Variants in NRXN3 observed in about 807,000 individuals in gnomAD.
NRXN3 encodes neurexin III.
Under a neutral mutation model 137.6 loss-of-function variants are expected in NRXN3, and 32 were observed. The ratio of observed to expected loss-of-function variants is 0.23; its 90% CI spans 0.18 to 0.31. The LOEUF is 0.31. Ranked by LOEUF, NRXN3 falls within the 10% of genes least tolerant of loss-of-function variation. The pLI is 1.00. For missense variants in NRXN3, 1,574 were observed against 2,062.5 expected (o/e 0.76, Z 4.59); for synonymous variants, 798 against 784.5 (o/e 1.02, Z -0.29).
intron 15 of NRXN3, among the ~76,000 whole-genome samples, chr14:79,368,884 T>G (rs1161300343): frequency 1.3e-5 from 2 of 152,196 alleles, no homozygotes; most frequent in Non-Finnish European, 2.9e-5. Flanking sequence ...GGATTCCATT[T>G]CCAAGAATGA....
intron 8 of NRXN3, among the ~76,000 whole-genome samples, chr14:78,757,571 G>C (rs913706614): frequency 1.3e-5 from 2 of 152,164 alleles, no homozygotes; most frequent in Non-Finnish European, 2.9e-5. Context: ...GAAAGGCATG[G>C]TGTATCTGTC....
intron 4 of NRXN3, among the ~76,000 whole-genome samples, chr14:78,323,900 C>T (rs560873269): frequency 1.1e-4 from 16 of 152,116 alleles, no homozygotes; most frequent in African/African-American, 3.9e-4. Flanking sequence ...TACTTACCAG[C>T]CATGAGCAGT....
intron 10 of NRXN3, among the ~76,000 whole-genome samples, chr14:78,881,708 T>G (rs2099129586): frequency 6.6e-6 from 1 of 151,676 alleles, no homozygotes; most frequent in African/African-American, 2.4e-5. Context: ...TTGGAAATTG[T>G]TTAAATGAGA....
intron 4 of NRXN3, among the ~76,000 whole-genome samples, chr14:78,613,106 A>G (rs1369570009): frequency 6.6e-6 from 1 of 151,590 alleles, no homozygotes; most frequent in Non-Finnish European, 1.5e-5. Context: ...CTGCCTTGCC[A>G]ATCAGCCTCC....
chr14:79,067,000 T>A (rs1035669981), intron 15 of NRXN3, among the ~76,000 whole-genome samples: 3 of 152,086 alleles, frequency 2.0e-5, no homozygotes, highest in Non-Finnish European at 2.9e-5. Context: ...CTTCCAATAC[T>A]ATGTTGAATA....
Position 78,243,756 on chromosome 14 carries a change from C to G in NRXN3, c.663C>G (p.Thr221=), listed in dbSNP as rs369419008. Residue 221 remains threonine, a synonymous_variant, in exon 2 of 21, where the codon ACC becomes ACG. Coordinates refer to ENST00000335750, the MANE Select transcript of NRXN3 (RefSeq NM_001330195.2). This position sits in a 1 kb window ranked among gnomAD's most constrained non-coding sequence, Gnocchi z 4.2. Reference sequence around the variant, plus strand: ...GCTTTCTCCTGGACGGCCACCCCACCTGTGACTGTTCTACCACTGGCTATG... The same window carrying G: ...GCTTTCTCCTGGACGGCCACCCCACGTGTGACTGTTCTACCACTGGCTATG... ...GICFLLDGHP[T]CDCSTTGYGG... is the part of the protein sequence containing the mutation. 6.9e-6 allele frequency: 11 copies of G among 1,596,854 alleles called. No homozygotes were observed. The highest frequency in any genetic ancestry group is 3.3e-4 in the Middle Eastern group (2 of 6,042).
chr14:79,322,359 G>C (rs2090172290), intron 15 of NRXN3, among the ~76,000 whole-genome samples: 1 of 152,034 alleles, frequency 6.6e-6, no homozygotes, highest in Non-Finnish European at 1.5e-5. Context: ...GAAATCACAG[G>C]CTTGACCGCA....
intron 15 of NRXN3, among the ~76,000 whole-genome samples, chr14:78,995,982 C>G (rs924096542): frequency 3.3e-5 from 5 of 151,964 alleles, no homozygotes; most frequent in African/African-American, 1.2e-4. Context: ...TACTCTGGGC[C>G]CCCGCTAACA....
intron 10 of NRXN3, among the ~76,000 whole-genome samples, chr14:78,887,858 A>G (rs906067792): frequency 6.6e-6 from 1 of 152,036 alleles, no homozygotes; most frequent in Non-Finnish European, 1.5e-5. Flanking sequence ...GAAACTGAAA[A>G]CAGCATCTCA....
At chr14:79,188,395 TA>T (rs36025838) in intron 15 of NRXN3, among the ~76,000 whole-genome samples, 5,413 of 86,298 alleles carry the variant, frequency 0.063, 232 homozygotes, top group East Asian at 0.39. Flanking sequence ...GTACAATACA[TA>T]TTTTTTTTTT....
intron 15 of NRXN3, among the ~76,000 whole-genome samples, chr14:79,335,395 C>T (rs2092167484): frequency 6.6e-6 from 1 of 151,942 alleles, no homozygotes; most frequent in Non-Finnish European, 1.5e-5. Context: ...TATTTATTTT[C>T]TTCTTCAGAG....
At chr14:79,668,217 C>G (rs1337796738) in intron 17 of NRXN3, among the ~76,000 whole-genome samples, 2 of 152,054 alleles carry the variant, frequency 1.3e-5, no homozygotes, top group Non-Finnish European at 2.9e-5. Flanking sequence ...AGAAAACTCT[C>G]TTTATATTTG....
chr14:78,324,803 C>T (rs2079847365), intron 4 of NRXN3, among the ~76,000 whole-genome samples: 1 of 152,022 alleles, frequency 6.6e-6, no homozygotes, highest in Non-Finnish European at 1.5e-5. Flanking sequence ...CCATGTCACT[C>T]AGAATGAGAA....
At chr14:79,815,318 T>G (rs1481053305) in intron 20 of NRXN3, among the ~76,000 whole-genome samples, 1 of 152,204 alleles carries the variant, frequency 6.6e-6, no homozygotes, top group Non-Finnish European at 1.5e-5. Context: ...AAATGAGTAA[T>G]AGGTGATATA....
chr14:79,423,276 T>C (rs2095608047), intron 15 of NRXN3, among the ~76,000 whole-genome samples: 1 of 152,170 alleles, frequency 6.6e-6, no homozygotes, highest in South Asian at 2.1e-4. Context: ...GAATTTGCCA[T>C]AGAAATAGGA....
chr14:78,606,886 A>T (rs1432606116), intron 4 of NRXN3, among the ~76,000 whole-genome samples: 1 of 152,238 alleles, frequency 6.6e-6, no homozygotes. Flanking sequence ...GTAACGTATA[A>T]ACCTAAGTGT....
At chr14:78,886,542 T>A (rs2099144369) in intron 10 of NRXN3, among the ~76,000 whole-genome samples, 1 of 152,100 alleles carries the variant, frequency 6.6e-6, no homozygotes, top group Admixed American at 6.6e-5. Flanking sequence ...AGTCTTTAAT[T>A]TGAGCTAGAT....
chr14:78,176,378 GTTTT>G (rs35762018), intron 1 of NRXN3, among the ~76,000 whole-genome samples: 9 of 140,048 alleles, frequency 6.4e-5, no homozygotes, highest in Admixed American at 1.4e-4. Flanking sequence ...TCTCTTCCAA[GTTTT>G]TTTTTTTTTT....
chr14:79,718,072 A>AT (rs774871699), intron 19 of NRXN3, among the ~76,000 whole-genome samples: 1 of 152,220 alleles, frequency 6.6e-6, no homozygotes, highest in Non-Finnish European at 1.5e-5. Context: ...AGAATATAAT[A>AT]TGCAGGGACA....
Sources: allele counts gnomAD v4.1 joint callset (sites outside exome capture counted in the v4.1 genomes callset), GRCh38; gene constraint gnomAD v4.1.1; non-coding constraint Gnocchi (gnomAD v3.1); transcripts MANE v1.5; gene names NCBI Gene and HGNC (gene_info 2026-07-23, HGNC 2026-07-21).